Variants in STARD9 observed in about 807,000 individuals in gnomAD.
STARD9 encodes the protein StAR related lipid transfer domain containing 9, also known as stAR-related lipid transfer protein 9.
Under a neutral mutation model 399.8 loss-of-function variants are expected in STARD9, and 346 were observed. The observed-to-expected ratio is 0.87, with a 90% CI of 0.79 to 0.95. The LOEUF is 0.95. STARD9 is among the 40% of genes least tolerant of loss of function. The pLI is 0.00. For synonymous variants in STARD9, 2,203 were observed against 2,143.5 expected (o/e 1.03, Z -0.77); for missense variants, 5,832 against 5,667.5 (o/e 1.03, Z -0.93).
intron 1 of STARD9, chr15:42,581,610 G>T: frequency 4.3e-6 from 3 of 690,590 alleles, no homozygotes; most frequent in Non-Finnish European, 4.9e-6. Flanking sequence ...GCTTCCTCTA[G>T]TTCCCTCGTC....
intron 9 of STARD9, among the ~76,000 whole-genome samples, chr15:42,654,376 G>A (rs2059821920): frequency 6.6e-6 from 1 of 152,014 alleles, no homozygotes; most frequent in South Asian, 2.1e-4. Flanking sequence ...CAGGTTGAAA[G>A]TAAAAGGATG....
At chr15:42,600,949 A>T (rs1344355555) in intron 3 of STARD9, among the ~76,000 whole-genome samples, 1 of 146,468 alleles carries the variant, frequency 6.8e-6, no homozygotes, top group African/African-American at 2.5e-5. Flanking sequence ...ACAATAGTGG[A>T]GGGAAGGTCA....
chr15:42,641,096 A>G (rs570237128), intron 7 of STARD9, among the ~76,000 whole-genome samples: 1 of 152,248 alleles, frequency 6.6e-6, no homozygotes, highest in South Asian at 2.1e-4. Context: ...AGTACCTGCA[A>G]CTCAGAAAAT....
In STARD9 at chr15:42,662,882, T is replaced by C. The variant is rs1198877775; in HGVS notation, c.859T>C (p.Ser287Pro). Residue 287 changes from serine (S) to proline (P), a missense_variant, in exon 11 of 33, where the codon TCC becomes CCC. Around this residue, in one of 2 missense-constraint regions of STARD9, gnomAD observed 5,828 missense variants for 5,651.1 expected, o/e 1.03. Transcript: ENST00000290607. ...CCTTGTGACTCTAGGAATTGTCATC[T>C]CCACCTTAGGTATTTTCTGATAGAT... is the stretch of plus-strand genomic sequence containing the variant. ...KSLVTLGIVI[S>P]TLAQNSQVFS... 2 of 1,534,590 alleles carry C rather than the reference T, an allele frequency of 1.3e-6. No homozygotes were observed. The highest frequency in any genetic ancestry group is 1.4e-5 in the African/African-American group (1 of 73,102).
chr15:42,718,262 G>A, intron 30 of STARD9, 83 bp downstream of exon 30: 1 of 1,379,606 alleles, frequency 7.2e-7, no homozygotes, highest in Non-Finnish European at 9.9e-7. Flanking sequence ...GAGGTGGAGG[G>A]TTGGAGGCAG....
Position 42,619,112 on chromosome 15 carries a change from TGGTA to T in STARD9, c.235-15743_235-15740del, listed in dbSNP as rs2059032819. On this transcript the variant is annotated intron_variant, in intron 3 of 32. Transcript: ENST00000290607. The stretch of plus-strand genomic sequence containing the variant: ...ATTTTTAAAAATTTAAATTTACATA[TGGTA>T]AAGTTTACTTTTTTGGTGTACATTT... Among the ~76,000 whole-genome samples the T allele has an allele frequency of 2.6e-5, 4 of 152,282 alleles. No homozygotes were observed. In the South Asian group the frequency reaches 6.2e-4, roughly 24 times the overall value.
rs2060666647 is a variant in STARD9, at chr15:42,690,525, G to A, written c.8947G>A (p.Gly2983Arg). The change falls in exon 23 of 33, where the codon GGG becomes AGG. Residue 2983 changes from glycine (G) to arginine (R), a missense_variant. Gly to Arg is a moderately radical substitution (Grantham distance 125). Around this residue, in one of 2 missense-constraint regions of STARD9, gnomAD observed 5,828 missense variants for 5,651.1 expected, o/e 1.03. Coordinates refer to ENST00000290607, the MANE Select transcript of STARD9 (RefSeq NM_020759.3). ...TLLCFRDGDL[G>R]KEPFKAAPHT... ...ACTGTGTTTTAGAGATGGTGACCTA[G>A]GGAAGGAGCCTTTCAAGGCTGCCCC... The A allele has an allele frequency of 6.5e-7, 1 of 1,537,042 alleles. No homozygotes were observed. The highest frequency in any genetic ancestry group is 2.0e-5 in the Admixed American group (1 of 50,972).
chr15:42,579,883 A>C (rs1196685524), intron 1 of STARD9, among the ~76,000 whole-genome samples: 1 of 152,194 alleles, frequency 6.6e-6, no homozygotes, highest in African/African-American at 2.4e-5. Context: ...CTTAGGCATT[A>C]TCTGACACAA....
At chr15:42,618,781 G>C (rs1462049646) in intron 3 of STARD9, among the ~76,000 whole-genome samples, 2 of 149,690 alleles carry the variant, frequency 1.3e-5, no homozygotes, top group Non-Finnish European at 2.9e-5. Context: ...ATTTTTATTA[G>C]AGATGGGGTT....
rs954914403 is a variant in STARD9, at chr15:42,681,562, C to T, written c.2015C>T (p.Ala672Val). 9.8e-6 allele frequency: 15 copies of T among 1,536,952 alleles called. No individual in the cohort carries two copies. The East Asian group carries it at 1.5e-4, about 15-fold the overall frequency. The part of the protein sequence containing the change: ...HQILAEEIRA[A>V]KELEFDQAWI... ...ATCCTAGCAGAAGAGATTCGAGCTG[C>T]GAAGGAACTGGAATTTGACCAAGCT... The change falls in exon 21 of 33, where the codon GCG becomes GTG. Residue 672 changes from alanine to valine, a missense_variant. Around this residue, in one of 2 missense-constraint regions of STARD9, gnomAD observed 5,828 missense variants for 5,651.1 expected, o/e 1.03. Coordinates refer to ENST00000290607, the MANE Select transcript of STARD9 (RefSeq NM_020759.3).
In STARD9 at chr15:42,687,560, T is replaced by G. The variant is rs560093737; in HGVS notation, c.5982T>G (p.Phe1994Leu). 228 of 1,537,040 alleles carry G rather than the reference T, an allele frequency of 1.5e-4. No individual in the cohort carries two copies. Among genetic ancestry groups the G allele is most frequent in the Admixed American group, 3.3e-4 (17 of 50,984 alleles). ...GTCCCAAAGATAGCTCAGAAGAGTT[T>G]AAGCTTCCAGGTACAAAGCCTGCAT... ...GLRPKDSSEE[F>L]KLPGTKPAYE... Residue 1994 changes from phenylalanine to leucine, a missense_variant, in exon 23 of 33, where the codon TTT becomes TTG. Coordinates refer to ENST00000290607, the MANE Select transcript of STARD9 (RefSeq NM_020759.3).
At chr15:42,577,621 G>T (rs926198434) in intron 1 of STARD9, among the ~76,000 whole-genome samples, 1 of 152,208 alleles carries the variant, frequency 6.6e-6, no homozygotes, top group Non-Finnish European at 1.5e-5. Context: ...GCAAGTGGTA[G>T]GATGTCAAGA....
At chr15:42,608,772 C>T (rs531460162) in intron 3 of STARD9, among the ~76,000 whole-genome samples, 2 of 152,164 alleles carry the variant, frequency 1.3e-5, no homozygotes, top group Admixed American at 1.3e-4. Context: ...AAGATACTGA[C>T]CTGGTAATGT....
intron 26 of STARD9, among the ~76,000 whole-genome samples, chr15:42,714,714 A>T (rs577274533): frequency 6.6e-6 from 1 of 152,314 alleles, no homozygotes; most frequent in African/African-American, 2.4e-5. Context: ...AGGCAACTGT[A>T]CTACAGGCAC....
At chr15:42,618,281 C>T (rs374274064) in intron 3 of STARD9, among the ~76,000 whole-genome samples, 8 of 151,748 alleles carry the variant, frequency 5.3e-5, no homozygotes, top group East Asian at 1.9e-4. Flanking sequence ...TACAGGTGTG[C>T]GCCACCACAC....
chr15:42,705,718 G>A (rs2061061254), intron 26 of STARD9, among the ~76,000 whole-genome samples: 1 of 152,092 alleles, frequency 6.6e-6, no homozygotes, highest in African/African-American at 2.4e-5. Flanking sequence ...TGGGATTACA[G>A]GCATGAGCTA....
chr15:42,681,493 A>G lies in STARD9; in HGVS notation c.1946A>G (p.Gln649Arg). 3 of 1,537,250 alleles carry G rather than the reference A, an allele frequency of 2.0e-6. No homozygotes were observed. The highest frequency in any genetic ancestry group is 2.6e-6 in the Non-Finnish European group (3 of 1,146,904). The stretch of plus-strand genomic sequence containing the variant: ...GATGGAGAGACATCCCACAGGGCCC[A>G]GATTCAGCAGCAGCAGAGCTACGTA... ...PRDGETSHRAQIQQQQSYVED... is the reference protein window; with the variant it reads ...PRDGETSHRARIQQQQSYVED... Residue 649 changes from glutamine to arginine, a missense_variant, in exon 21 of 33, where the codon CAG (glutamine) becomes CGG (arginine). Physicochemically the swap from Gln to Arg is conservative, Grantham distance 43. This residue lies in a region of STARD9 where 5,828 missense variants were observed against 5,651.1 expected (regional missense o/e 1.03). Coordinates refer to ENST00000290607, the MANE Select transcript of STARD9 (RefSeq NM_020759.3).
chr15:42,685,654 C>A lies in STARD9; in HGVS notation c.4076C>A (p.Pro1359Gln). The change falls in exon 23 of 33, where the codon CCA becomes CAA. Residue 1359 changes from proline (P) to glutamine (Q), a missense_variant. This residue lies in a region of STARD9 where 5,828 missense variants were observed against 5,651.1 expected (regional missense o/e 1.03). Transcript: ENST00000290607. Reference sequence around the variant, plus strand: ...CCAGGAATAGTGGGTTCTTTATGTCCAAGTCCTGATATGCAGGAATTTCAC... The same window carrying A: ...CCAGGAATAGTGGGTTCTTTATGTCAAAGTCCTGATATGCAGGAATTTCAC... ...SPPGIVGSLC[P>Q]SPDMQEFHSC... 6.5e-7 allele frequency: 1 copy of A among 1,537,194 alleles called. No individual in the cohort carries two copies.
chr15:42,681,354 C>G, intron 20 of STARD9, 68 bp from the exon 21 acceptor site: 1 of 1,462,884 alleles, frequency 6.8e-7, no homozygotes, highest in Admixed American at 2.2e-5. Flanking sequence ...AGGCCTTACA[C>G]TGCTATCAGT....
Sources: gnomAD v4.1 joint callset for allele counts (sites outside exome capture counted in the v4.1 genomes callset) on GRCh38, gnomAD v4.1.1 for gene constraint, gnomAD v4.1.1 regional missense constraint, MANE v1.5 for transcripts, NCBI Gene and HGNC (gene_info 2026-07-23, HGNC 2026-07-21) for gene names.